The following GALNT8 variants were observed in gnomAD, a reference collection of about 807,000 sequenced individuals.
The protein encoded by GALNT8 is polypeptide N-acetylgalactosaminyltransferase 8, also known as probable polypeptide N-acetylgalactosaminyltransferase 8.
Under a neutral mutation model 62.7 loss-of-function variants are expected in GALNT8, and 66 were observed. The ratio of observed to expected loss-of-function variants is 1.05; its 90% CI spans 0.86 to 1.29. GALNT8 has a LOEUF of 1.29. Ranked by LOEUF, GALNT8 falls within the 50% of genes most tolerant of loss-of-function variation. GALNT8 has a pLI of 0.00. For synonymous variants in GALNT8, 288 were observed against 294.3 expected (o/e 0.98, Z 0.22); for missense variants, 771 against 791.8 (o/e 0.97, Z 0.32).
intron 2 of GALNT8, among the ~76,000 whole-genome samples, chr12:4,733,009 T>G (rs554314314): frequency 6.7e-6 from 1 of 148,916 alleles, no homozygotes; most frequent in East Asian, 2.0e-4. Flanking sequence ...TACACTGTGA[T>G]TCTCTGCTGG....
Position 4,765,671 on chromosome 12 carries a change from A to G in GALNT8, c.1761+125A>G, listed in dbSNP as rs148884306. On this transcript the variant is annotated intron_variant, in intron 10 of 10. Transcript: ENST00000252318. ...TCAGCTGACTGAGGCTACTGACAGA[A>G]AAGAGATTTGGGTTGGCTGTGAGAT... is the stretch of plus-strand genomic sequence containing the variant. 6.6e-4 allele frequency: 439 copies of G among 667,766 alleles called. 3 individuals are homozygous for G. The African/African-American group carries it at 7.0e-3, about 11-fold the overall frequency. 41.4% of individuals were successfully genotyped at this position (667,766 alleles called of 1,614,324 possible). A position where few individuals can be genotyped will look rare whatever the true frequency, so the allele number is the denominator to read the frequency against.
intron 6 of GALNT8, among the ~76,000 whole-genome samples, chr12:4,752,888 T>G (rs1426595966): frequency 9.2e-5 from 14 of 152,170 alleles, no homozygotes; most frequent in Admixed American, 9.2e-4. Context: ...CAGCTTTTGT[T>G]TTTGTGGGAA....
chr12:4,728,958 G>C (rs1032160236), intron 2 of GALNT8, among the ~76,000 whole-genome samples: 2 of 152,120 alleles, frequency 1.3e-5, no homozygotes, highest in Non-Finnish European at 2.9e-5. Context: ...GATTTGTGGA[G>C]GACTTCATTT....
At chr12:4,732,196 T>C (rs1191298494) in intron 2 of GALNT8, among the ~76,000 whole-genome samples, 1 of 152,236 alleles carries the variant, frequency 6.6e-6, no homozygotes, top group Non-Finnish European at 1.5e-5. Flanking sequence ...CAAATTAGTT[T>C]ATGTGTTCCA....
chr12:4,761,075 C>T lies in GALNT8; in HGVS notation c.1291C>T (p.Arg431Ter), dbSNP rs200902818. 1.6e-4 allele frequency: 261 copies of T among 1,613,962 alleles called. No homozygotes were observed. In the East Asian group the frequency reaches 2.5e-3, roughly 16 times the overall value. ...LTAALKRNALRVAEIWMDEHK... is the reference protein window; with the variant it reads ...LTAALKRNAL ...CGCTGCCTTGAAGCGCAATGCTCTG[C>T]GAGTGGCCGAAATCTGGATGGATGA... Residue 431 changes from arginine to a stop codon, truncating the protein, a stop_gained, in exon 7 of 11, where the codon CGA (arginine) becomes TGA (stop). Transcript: ENST00000252318. LOFTEE classifies it high-confidence loss of function.
intron 1 of GALNT8, 73 bp downstream of exon 1, chr12:4,720,961 A>G (rs1471857665): frequency 2.2e-6 from 2 of 908,208 alleles, no homozygotes; most frequent in Non-Finnish European, 3.6e-6. Context: ...AAAAAGGGAT[A>G]TGGAAGGAAA....
chr12:4,772,624 A>G lies in GALNT8; in HGVS notation c.*27A>G. 3 of 1,580,670 alleles carry G rather than the reference A, an allele frequency of 1.9e-6. No homozygotes were observed. Among genetic ancestry groups the G allele is most frequent in the Non-Finnish European group, 2.6e-6 (3 of 1,151,462 alleles). On this transcript the variant is annotated 3_prime_UTR_variant, in exon 11 of 11. Transcript: ENST00000252318. ...CCTCAGATGGTGCTGGATCTGGGTC[A>G]TCAATTCTTGCAAGTGGAATGGCTT...
chr12:4,742,497 G>A (rs1408034328), intron 3 of GALNT8, among the ~76,000 whole-genome samples: 1 of 152,178 alleles, frequency 6.6e-6, no homozygotes, highest in Non-Finnish European at 1.5e-5. Context: ...GAGAGTTCAA[G>A]TTTCCTTCTT....
intron 6 of GALNT8, 149 bp from the exon 7 acceptor site, chr12:4,760,809 A>G (rs1946367927): frequency 1.6e-6 from 1 of 635,228 alleles, no homozygotes; most frequent in African/African-American, 1.8e-5. Flanking sequence ...TTTAGATAAG[A>G]AAGTTAGAGG....
At chr12:4,769,271 C>T (rs1591576685) in intron 10 of GALNT8, among the ~76,000 whole-genome samples, 3 of 152,120 alleles carry the variant, frequency 2.0e-5, no homozygotes, top group Admixed American at 2.0e-4. Context: ...AGGGAGTGCT[C>T]CCACACACCA....
In GALNT8 at chr12:4,724,280, C is replaced by T. The variant is rs139620971; in HGVS notation, c.212-2252C>T. ...TGAGGGAGGGATCAATGACTCTAAG[C>T]CAGTTTTCTGGAACCTCCCTCAGGG... On this transcript the variant is annotated intron_variant, in intron 1 of 10. Transcript: ENST00000252318. Among the ~76,000 whole-genome samples, 337 of 152,116 alleles carry T rather than the reference C, an allele frequency of 2.2e-3. 2 individuals carry two copies. The highest frequency in any genetic ancestry group is 7.9e-3 in the African/African-American group (327 of 41,482).
rs747668034 is a variant in GALNT8, at chr12:4,763,958, A to C, written c.1504A>C (p.Asn502His). The C allele has an allele frequency of 9.0e-6, 14 of 1,552,316 alleles. No individual in the cohort carries two copies. In the African/African-American group the frequency reaches 1.9e-4, roughly 21 times the overall value. ...TGTGTTTTGTCCCCTTCAGATGAAA[A>C]ACCTATTGGATGAAAATGTCTGCTT... The part of the protein sequence containing the change: ...HTIVGYGRMK[N>H]LLDENVCLDQ... The change falls in exon 9 of 11, where the codon AAC becomes CAC. Residue 502 changes from asparagine to histidine, a missense_variant. Physicochemically the swap from Asn to His is moderately conservative, Grantham distance 68 (BLOSUM62 1). Transcript: ENST00000252318.
intron 6 of GALNT8, among the ~76,000 whole-genome samples, chr12:4,750,455 T>C (rs1028058625): frequency 2.0e-4 from 30 of 152,186 alleles, no homozygotes; most frequent in African/African-American, 6.8e-4. Flanking sequence ...TTTGGTTTTC[T>C]GTTCCTGAGT....
chr12:4,726,469 AC>A lies in GALNT8; in HGVS notation c.212-60del. The stretch of plus-strand genomic sequence containing the variant: ...AGAGGAAATTAGGATGGAAAGGAAT[AC>A]CCAGGTAACTAAGGAGGGGCTGAAA... On this transcript the variant is annotated intron_variant, in intron 1 of 10. Coordinates refer to ENST00000252318, the MANE Select transcript of GALNT8 (RefSeq NM_017417.2). The surrounding 1 kb of genome is among the most constrained non-coding windows in gnomAD (Gnocchi z 4.1). 1 of 1,119,654 alleles carries A rather than the reference AC, an allele frequency of 8.9e-7. No homozygotes were observed. Among genetic ancestry groups the A allele is most frequent in the Non-Finnish European group, 1.3e-6 (1 of 764,700 alleles). The allele number at this position is 1,119,654 out of a possible 1,614,324, so 69.4% of individuals were successfully genotyped here.
intron 2 of GALNT8, among the ~76,000 whole-genome samples, 157 bp from the exon 3 acceptor site, chr12:4,739,006 G>C (rs1946258148): frequency 6.6e-6 from 1 of 152,146 alleles, no homozygotes; most frequent in African/African-American, 2.4e-5. Context: ...ATAAAATCTT[G>C]CTACTGTGAT....
chr12:4,758,631 T>C (rs1368445645), intron 6 of GALNT8, among the ~76,000 whole-genome samples: 6 of 93,070 alleles, frequency 6.4e-5, no homozygotes, highest in African/African-American at 2.1e-4. Context: ...TGTGTGTGTG[T>C]GTGTGTGAGA....
intron 3 of GALNT8, 136 bp downstream of exon 3, chr12:4,739,465 G>A (rs985980471): frequency 1.6e-6 from 1 of 638,206 alleles, no homozygotes; most frequent in Non-Finnish European, 2.7e-6. Context: ...ATTTGTTAAG[G>A]GTCTATTTGT....
rs1395521667 is a variant in GALNT8 at position 4,761,126 on chromosome 12, T to A, written c.1342T>A (p.Trp448Arg). The A allele has an allele frequency of 1.9e-6, 3 of 1,613,776 alleles. No individual in the cohort carries two copies. Among genetic ancestry groups the A allele is most frequent in the Non-Finnish European group, 2.5e-6 (3 of 1,179,868 alleles). Residue 448 changes from tryptophan (W) to arginine (R), a missense_variant, in exon 7 of 11, where the codon TGG becomes AGG. By Grantham distance (101) the Trp-to-Arg change is moderately radical (BLOSUM62 -3). Coordinates refer to ENST00000252318, the MANE Select transcript of GALNT8 (RefSeq NM_017417.2). Reference protein sequence around the residue: ...DEHKHMVYLAWNIPLQNSGID... With the variant: ...DEHKHMVYLARNIPLQNSGID... ...GCACAAACACATGGTCTACTTGGCC[T>A]GGAACATACCTCTCCAGGTGAGTCA...
Position 4,766,565 on chromosome 12 carries a change from C to T in GALNT8, c.1761+1019C>T, listed in dbSNP as rs903625283. On this transcript the variant is annotated intron_variant, in intron 10 of 10. Transcript: ENST00000252318. ...TGCCTTTAACTTCAATATCAAATGACCAAGGACAGGGCGGAGGGAATCTGG... is the reference window on the plus strand; with the variant it reads ...TGCCTTTAACTTCAATATCAAATGATCAAGGACAGGGCGGAGGGAATCTGG... 3.9e-5 allele frequency among the ~76,000 whole-genome samples: 6 copies of T among 152,090 alleles called. No individual in the cohort carries two copies. In the South Asian group the frequency reaches 1.2e-3, roughly 32 times the overall value.
Sources: allele counts gnomAD v4.1 joint callset (sites outside exome capture counted in the v4.1 genomes callset), GRCh38; gene constraint gnomAD v4.1.1; non-coding constraint Gnocchi (gnomAD v3.1); transcripts MANE v1.5; gene names NCBI Gene and HGNC (gene_info 2026-07-23, HGNC 2026-07-21).